Variants in TGFB2 observed in about 807,000 individuals in gnomAD.
TGFB2 encodes transforming growth factor beta 2.
Under a neutral mutation model 42.7 loss-of-function variants are expected in TGFB2, and 13 were observed. The observed-to-expected ratio is 0.30, with a 90% CI of 0.20 to 0.48. TGFB2 has a LOEUF of 0.48. Among genes scored for constraint, TGFB2 ranks in the 20% least tolerant of loss-of-function variants. The pLI is 0.99. For synonymous variants in TGFB2, 193 were observed against 193.6 expected (o/e 1.00, Z 0.03); for missense variants, 390 against 517.5 (o/e 0.75, Z 2.39).
intron 1 of TGFB2, among the ~76,000 whole-genome samples, chr1:218,379,781 C>T (rs1443073343): frequency 1.3e-5 from 2 of 152,140 alleles, no homozygotes; most frequent in Non-Finnish European, 2.9e-5. Flanking sequence ...CTTATTTTAC[C>T]ATTTTCTTTC....
intron 1 of TGFB2, among the ~76,000 whole-genome samples, chr1:218,348,591 C>T (rs191624470): frequency 9.2e-5 from 14 of 152,302 alleles, no homozygotes; most frequent in East Asian, 5.8e-4. Context: ...TGGCACTATC[C>T]GCAACAGCGG....
intron 1 of TGFB2, among the ~76,000 whole-genome samples, chr1:218,357,219 GAAA>G (rs569034159): frequency 8.9e-6 from 1 of 111,934 alleles, no homozygotes; most frequent in Non-Finnish European, 2.0e-5. Flanking sequence ...TCTGAAAAAT[GAAA>G]AAAAAAAAAA....
intron 1 of TGFB2, among the ~76,000 whole-genome samples, chr1:218,395,665 G>A (rs1219805561): frequency 1.4e-5 from 2 of 148,054 alleles, no homozygotes; most frequent in Non-Finnish European, 3.0e-5. Flanking sequence ...AGGCTGGAGT[G>A]CAGTGGCGCA....
intron 1 of TGFB2, among the ~76,000 whole-genome samples, chr1:218,384,806 G>A (rs1254034272): frequency 1.3e-5 from 2 of 152,204 alleles, no homozygotes; most frequent in Non-Finnish European, 2.9e-5. Context: ...GAGAATGGAT[G>A]GTTAACATGA....
intron 4 of TGFB2, 68 bp downstream of exon 4, chr1:218,434,516 A>C: frequency 2.9e-6 from 3 of 1,017,746 alleles, no homozygotes; most frequent in Non-Finnish European, 4.5e-6. Context: ...ATGGGGGATA[A>C]AATCAGTTTG....
At chr1:218,431,967 T>G (rs1258801024) in intron 2 of TGFB2, among the ~76,000 whole-genome samples, 3 of 152,244 alleles carry the variant, frequency 2.0e-5, no homozygotes, top group Non-Finnish European at 4.4e-5. Context: ...CAACATTCAT[T>G]GTGTATACGT....
At chr1:218,419,283 C>T (rs369311564) in intron 2 of TGFB2, among the ~76,000 whole-genome samples, 136 of 152,266 alleles carry the variant, frequency 8.9e-4, no homozygotes, top group African/African-American at 3.2e-3. Flanking sequence ...GCCACTGTTC[C>T]CTCCACCCAC....
intron 2 of TGFB2, among the ~76,000 whole-genome samples, chr1:218,421,417 G>A (rs888973241): frequency 1.3e-5 from 2 of 151,130 alleles, no homozygotes; most frequent in Non-Finnish European, 2.9e-5. Context: ...TTGTTCAGGG[G>A]CTTATTTGTC....
chr1:218,405,069 A>C, intron 1 of TGFB2, 100 bp from the exon 2 acceptor site: 1 of 1,321,912 alleles, frequency 7.6e-7, no homozygotes, highest in Non-Finnish European at 1.0e-6. Context: ...TATTCTGTAG[A>C]TATTTCCCTT....
At chr1:218,398,878 C>A (rs1658616375) in intron 1 of TGFB2, among the ~76,000 whole-genome samples, 1 of 152,076 alleles carries the variant, frequency 6.6e-6, no homozygotes. Context: ...AGCCACTGTG[C>A]CTGGATTATT....
chr1:218,392,263 G>C (rs558695309), intron 1 of TGFB2, among the ~76,000 whole-genome samples: 34 of 152,324 alleles, frequency 2.2e-4, no homozygotes, highest in African/African-American at 7.9e-4. Flanking sequence ...TGAGGCAGGA[G>C]AATGGTGTGA....
At chr1:218,358,223 T>C (rs1020657764) in intron 1 of TGFB2, among the ~76,000 whole-genome samples, 1 of 152,214 alleles carries the variant, frequency 6.6e-6, no homozygotes, top group Non-Finnish European at 1.5e-5. Flanking sequence ...TGTGTACTTT[T>C]TAGTGGATTT....
intron 1 of TGFB2, among the ~76,000 whole-genome samples, chr1:218,373,644 G>C (rs946950460): frequency 6.6e-6 from 1 of 151,742 alleles, no homozygotes; most frequent in African/African-American, 2.4e-5. Context: ...ATTTCCTCAC[G>C]ATCACACAGC....
intron 2 of TGFB2, among the ~76,000 whole-genome samples, chr1:218,408,133 G>A (rs1658974102): frequency 6.6e-6 from 1 of 152,110 alleles, no homozygotes; most frequent in East Asian, 1.9e-4. Context: ...GGTCACCTAG[G>A]TCCTGTTACC....
Position 218,434,165 on chromosome 1 carries a change from G to T in TGFB2, c.594G>T (p.Trp198Cys), listed in dbSNP as rs2102626457. 1 of 1,614,134 alleles carries T rather than the reference G, an allele frequency of 6.2e-7. No homozygotes were observed. ...KVVKTRAEGEWLSFDVTDAVH... is the reference protein window; with the variant it reads ...KVVKTRAEGECLSFDVTDAVH... ...TGAAAACAAGAGCAGAAGGCGAATGGCTCTCCTTCGATGTAACTGATGCTG... is the reference window on the plus strand; with the variant it reads ...TGAAAACAAGAGCAGAAGGCGAATGTCTCTCCTTCGATGTAACTGATGCTG... Residue 198 changes from tryptophan to cysteine, a missense_variant, in exon 3 of 7, where the codon TGG becomes TGT. Trp to Cys is a radical substitution (Grantham distance 215). Coordinates refer to ENST00000366930, the MANE Select transcript of TGFB2 (RefSeq NM_003238.6).
At chr1:218,385,515 C>G (rs1404846504) in intron 1 of TGFB2, among the ~76,000 whole-genome samples, 1 of 152,160 alleles carries the variant, frequency 6.6e-6, no homozygotes, top group Non-Finnish European at 1.5e-5. Context: ...GTATAAGCCC[C>G]TTTATCCCTT....
intron 1 of TGFB2, among the ~76,000 whole-genome samples, chr1:218,394,404 C>T (rs1024018800): frequency 1.3e-5 from 2 of 152,158 alleles, no homozygotes; most frequent in South Asian, 2.1e-4. Flanking sequence ...GGAATAGAAA[C>T]TGGAAACCCC....
rs1660200775 is a variant in TGFB2, at chr1:218,442,841, G to A, written c.*1479G>A. ...TGTTTTCATTTTAGCAAGGATTTAG[G>A]GTTCTAACTAAAACTCAGAATCTTT... is the stretch of plus-strand genomic sequence containing the variant. On this transcript the variant is annotated 3_prime_UTR_variant, in exon 7 of 7. Transcript: ENST00000366930. The A allele has an allele frequency of 6.6e-6, 1 of 151,886 alleles. No homozygotes were observed. Among genetic ancestry groups the A allele is most frequent in the African/African-American group, 2.4e-5 (1 of 41,372 alleles). 9.4% of individuals were successfully genotyped at this position (151,886 alleles called of 1,614,324 possible). A position where few individuals can be genotyped will look rare whatever the true frequency, so the allele number is the denominator to read the frequency against.
chr1:218,434,574 A>G, intron 4 of TGFB2, 126 bp downstream of exon 4: 1 of 648,098 alleles, frequency 1.5e-6, no homozygotes. Context: ...ATTCATTTGG[A>G]CAGTGATATG....
Sources: allele counts gnomAD v4.1 joint callset (sites outside exome capture counted in the v4.1 genomes callset), GRCh38; gene constraint gnomAD v4.1.1; transcripts MANE v1.5; gene names NCBI Gene and HGNC (gene_info 2026-07-23, HGNC 2026-07-21).